Variants in SLC29A2 observed in about 807,000 individuals in gnomAD.
SLC29A2 encodes the protein equilibrative nucleoside transporter 2.
Under a neutral mutation model 48.8 loss-of-function variants are expected in SLC29A2, and 37 were observed. That is an observed-to-expected ratio of 0.76 (90% confidence interval 0.58 to 1.00). The LOEUF (loss-of-function observed/expected upper bound fraction) is 1.00. SLC29A2 is among the 50% of genes least tolerant of loss of function. The probability of loss-of-function intolerance (pLI) is 0.00; values close to 1 mark genes in which losing one functional copy is unlikely to be tolerated. For synonymous variants in SLC29A2, 233 were observed against 261.7 expected, an observed-to-expected ratio of 0.89 and a Z score of 1.06; for missense variants, 533 against 578.6, an observed-to-expected ratio of 0.92 and a Z score of 0.81.
In SLC29A2 at chr11:66,364,344, C is replaced by G; in HGVS notation, c.1140G>C (p.Val380=). 1 of 1,614,040 alleles carries G rather than the reference C, an allele frequency of 6.2e-7. No homozygotes were observed. Among genetic ancestry groups the G allele is most frequent in the Non-Finnish European group, 8.5e-7 (1 of 1,180,006 alleles). ...LFVPLFMLCH[V]PQRSRLPILF... The stretch of plus-strand genomic sequence containing the variant: ...GGATGGGCAGCCGGGACCTCTGGGG[C>G]ACGTGGCACAGCATGAAGAGGGGCA... The change falls in exon 11 of 12, where the codon GTG becomes GTC. Residue 380 remains valine, a synonymous_variant. Transcript: ENST00000357440.
rs1855906622 is a variant in SLC29A2 at position 66,369,446 on chromosome 11, G to A, written c.198C>T (p.Asn66=). 2 of 1,614,022 alleles carry A rather than the reference G, an allele frequency of 1.2e-6. No homozygotes were observed. Among genetic ancestry groups the A allele is most frequent in the Non-Finnish European group, 1.7e-6 (2 of 1,180,016 alleles). ...TNHTGPEDAF[N]FNNWVTLLSQ... ...ACAGCAGCGTCACCCAATTGTTGAA[G>A]TTGAAGGCATCCTCGGGACCCGTGT... The change falls in exon 3 of 12, where the codon AAC becomes AAT. Residue 66 remains asparagine, a synonymous_variant. Transcript: ENST00000357440.
In SLC29A2 at chr11:66,363,091, A is replaced by T; in HGVS notation, c.*345T>A. 1 of 348,934 alleles carries T rather than the reference A, an allele frequency of 2.9e-6. No individual in the cohort carries two copies. The highest frequency in any genetic ancestry group is 2.4e-5 in the South Asian group (1 of 42,464). 21.6% of individuals were successfully genotyped at this position (348,934 alleles called of 1,614,324 possible). A position where few individuals can be genotyped will look rare whatever the true frequency, so the allele number is the denominator to read the frequency against. Reference sequence around the variant, plus strand: ...TGGGCTGGCCCCGCCTCCCACTCTGAACCCTCTGGTCACCTCTGCTCCTGA... The same window carrying T: ...TGGGCTGGCCCCGCCTCCCACTCTGTACCCTCTGGTCACCTCTGCTCCTGA... On this transcript the variant is annotated 3_prime_UTR_variant, in exon 12 of 12. Coordinates refer to ENST00000357440, the MANE Select transcript of SLC29A2 (RefSeq NM_001532.3).
intron 5 of SLC29A2, 56 bp downstream of exon 5, chr11:66,368,481 C>G: frequency 1.2e-6 from 2 of 1,610,336 alleles, no homozygotes; most frequent in Non-Finnish European, 1.7e-6. Context: ...CATGCCCTCT[C>G]TCTTCCCCAA....
At chr11:66,368,291 A>T (rs940089203) in intron 5 of SLC29A2, among the ~76,000 whole-genome samples, 1 of 152,082 alleles carries the variant, frequency 6.6e-6, no homozygotes, top group Non-Finnish European at 1.5e-5. Flanking sequence ...ACCTGCTGCC[A>T]CATGCCAGTA....
At chr11:66,365,821 T>C in intron 10 of SLC29A2, 115 bp downstream of exon 10, 1 of 973,902 alleles carries the variant, frequency 1.0e-6, no homozygotes, top group South Asian at 1.3e-5. Context: ...GCTTGGCCAG[T>C]GGTTGCATTA....
chr11:66,368,751 A>G, intron 4 of SLC29A2, 80 bp from the exon 5 acceptor site: 1 of 1,539,040 alleles, frequency 6.5e-7, no homozygotes, highest in South Asian at 1.2e-5. Flanking sequence ...GGCAGGATAC[A>G]CAGGGGACTC....
intron 4 of SLC29A2, 133 bp downstream of exon 4, chr11:66,368,927 C>T (rs1855864904): frequency 7.9e-7 from 1 of 1,259,698 alleles, no homozygotes; most frequent in African/African-American, 1.5e-5. Flanking sequence ...TCCCTGTGGG[C>T]CTCAGTTTCT....
rs1302751513 is a variant in SLC29A2, at chr11:66,364,252, A to ATGTG, written c.1231_1232insCACA (p.Val411AlafsTer67). The ATGTG allele has an allele frequency of 1.3e-6, 2 of 1,567,044 alleles. No homozygotes were observed. The highest frequency in any genetic ancestry group is 1.7e-5 in the Admixed American group (1 of 58,436). On this transcript the variant is annotated frameshift_variant, in exon 11 of 12. Coordinates refer to ENST00000357440, the MANE Select transcript of SLC29A2 (RefSeq NM_001532.3). LOFTEE classifies it high-confidence loss of function. ...GGGCGCCAGGCACATGGTGAGGGAC[A>ATGTG]CCAGGTAGCCATTAGAAACGGCAAA...
chr11:66,364,826 A>AG (rs1555019352), intron 10 of SLC29A2: 2 of 58,558 alleles, frequency 3.4e-5, no homozygotes, highest in South Asian at 4.7e-4. Flanking sequence ...TTCATTAAAA[A>AG]TTTGTGTGTG....
At chr11:66,369,291 G>T in intron 3 of SLC29A2, 78 bp downstream of exon 3, 2 of 1,599,820 alleles carry the variant, frequency 1.3e-6, no homozygotes, top group Non-Finnish European at 1.7e-6. Flanking sequence ...CAGTAGGGCT[G>T]GGGGGCAGGG....
At chr11:66,369,264 C>G in intron 3 of SLC29A2, 65 bp from the exon 4 acceptor site, 1 of 1,587,094 alleles carries the variant, frequency 6.3e-7, no homozygotes, top group Non-Finnish European at 8.6e-7. Flanking sequence ...GAAGGAGGCT[C>G]GACACCTGGG....
chr11:66,367,559 AC>A lies in SLC29A2; in HGVS notation c.649-12del, dbSNP rs760715903. ...GTAGCGGGCAAACTTCTGCAGAAGG[AC>A]AGGAAAGTGTTGGGCCTGCCTGGCT... On this transcript the variant is annotated splice_polypyrimidine_tract_variant and intron_variant, in intron 6 of 11. Coordinates refer to ENST00000357440, the MANE Select transcript of SLC29A2 (RefSeq NM_001532.3). 2 of 1,613,818 alleles carry A rather than the reference AC, an allele frequency of 1.2e-6. No homozygotes were observed. The highest frequency in any genetic ancestry group is 1.7e-6 in the Non-Finnish European group (2 of 1,179,716).
chr11:66,371,212 C>A, intron 2 of SLC29A2, 32 bp downstream of exon 2: 1 of 1,601,062 alleles, frequency 6.2e-7, no homozygotes. Flanking sequence ...CTGGCTGTGG[C>A]CACGAGGCTG....
At chr11:66,367,340 T>C in intron 7 of SLC29A2, 124 bp downstream of exon 7, 1 of 829,038 alleles carries the variant, frequency 1.2e-6, no homozygotes, top group East Asian at 2.4e-5. Context: ...CTTCATGATC[T>C]TCCTGTTTGC....
upstream of SLC29A2, chr11:66,371,919 T>G: frequency 1.7e-5 from 7 of 413,638 alleles, no homozygotes; most frequent in Admixed American, 4.4e-5. Flanking sequence ...GCACAGCCCC[T>G]CCCCGCAGCC....
chr11:66,369,050 A>T lies in SLC29A2; in HGVS notation c.415+10T>A. 6.3e-7 allele frequency: 1 copy of T among 1,596,030 alleles called. No homozygotes were observed. Among genetic ancestry groups the T allele is most frequent in the Admixed American group, 1.7e-5 (1 of 57,576 alleles). On this transcript the variant is annotated intron_variant, in intron 4 of 11. Coordinates refer to ENST00000357440, the MANE Select transcript of SLC29A2 (RefSeq NM_001532.3). ...CATAGGCTGGCTGGAGAGGGGGTGG[A>T]GGTGCTCACAGTTGATGAAGCAGAC...
intron 10 of SLC29A2, 54 bp downstream of exon 10, chr11:66,365,882 C>G (rs984041690): frequency 3.3e-6 from 5 of 1,537,200 alleles, no homozygotes; most frequent in Non-Finnish European, 4.5e-6. Context: ...TTCAAGCCCT[C>G]GGATCCCAAA....
rs140044208 is a variant in SLC29A2, at chr11:66,368,592, G to T, written c.495C>A (p.Ser165Arg). 2 of 1,610,736 alleles carry T rather than the reference G, an allele frequency of 1.2e-6. No homozygotes were observed. The highest frequency in any genetic ancestry group is 1.7e-6 in the Non-Finnish European group (2 of 1,178,686). ...CAAAGATCCCAGCCAGGCCCTGGCC[G>T]CTGAGGAAGAGGGTGCTGTAGGTGG... ...MPSTYSTLFL[S>R]GQGLAGIFAA... Residue 165 changes from serine (S) to arginine (R), a missense_variant, in exon 5 of 12, where the codon AGC becomes AGA. Coordinates refer to ENST00000357440, the MANE Select transcript of SLC29A2 (RefSeq NM_001532.3).
chr11:66,369,506 G>C lies in SLC29A2; in HGVS notation c.138C>G (p.Ala46=). The C allele has an allele frequency of 6.2e-7, 1 of 1,613,878 alleles. No individual in the cohort carries two copies. Among genetic ancestry groups the C allele is most frequent in the Non-Finnish European group, 8.5e-7 (1 of 1,179,952 alleles). ...IPYFQARLAG[A]GNSTARILST... ...TCAGGATCCTGGCTGTGCTGTTGCC[G>C]GCCCCGGCCAGTCGCGCCTGGAAGT... The change falls in exon 3 of 12, where the codon GCC becomes GCG. Residue 46 remains alanine, a synonymous_variant. Coordinates refer to ENST00000357440, the MANE Select transcript of SLC29A2 (RefSeq NM_001532.3).
Sources: allele counts gnomAD v4.1 joint callset (sites outside exome capture counted in the v4.1 genomes callset), GRCh38; gene constraint gnomAD v4.1.1; transcripts MANE v1.5; gene names NCBI Gene and HGNC (gene_info 2026-07-23, HGNC 2026-07-21).